MLLT3: variants seen among roughly 807,000 people sequenced by gnomAD.
The protein encoded by MLLT3 is MLLT3 super elongation complex subunit.
A neutral mutation model predicts 53.2 loss-of-function variants in MLLT3; 4 were observed. That is an observed-to-expected ratio of 0.08 (90% CI 0.04 to 0.17). The LOEUF is 0.17. Ranked by LOEUF, MLLT3 falls within the 10% of genes least tolerant of loss-of-function variation. The pLI, the probability that MLLT3 is intolerant of heterozygous loss-of-function variation, is 1.00. For synonymous variants in MLLT3, 283 were observed against 230.6 expected (o/e 1.23, Z -2.06); for missense variants, 569 against 684.0 (o/e 0.83, Z 1.87).
intron 5 of MLLT3, among the ~76,000 whole-genome samples, chr9:20,375,302 T>C (rs1472291819): frequency 6.6e-6 from 1 of 152,258 alleles, no homozygotes; most frequent in Non-Finnish European, 1.5e-5. Flanking sequence ...CAATGCTATT[T>C]GTACTGCAAC....
chr9:20,524,449 T>C (rs555488987), intron 2 of MLLT3, among the ~76,000 whole-genome samples: 1 of 152,130 alleles, frequency 6.6e-6, no homozygotes, highest in East Asian at 1.9e-4. Flanking sequence ...AGATGAAATG[T>C]ACTGTAATCA....
At chr9:20,369,161 C>T (rs1587164088) in intron 5 of MLLT3, among the ~76,000 whole-genome samples, 1 of 152,170 alleles carries the variant, frequency 6.6e-6, no homozygotes. Flanking sequence ...ATGAGAACCA[C>T]TGATCGAGGA....
intron 2 of MLLT3, among the ~76,000 whole-genome samples, chr9:20,485,610 A>T (rs558305821): frequency 1.1e-4 from 17 of 152,364 alleles, no homozygotes; most frequent in Admixed American, 1.1e-3. Flanking sequence ...TATAATGCAG[A>T]CACTAAGCCA....
chr9:20,540,536 G>A (rs543652284), intron 2 of MLLT3, among the ~76,000 whole-genome samples: 4 of 152,352 alleles, frequency 2.6e-5, no homozygotes, highest in East Asian at 3.9e-4. Context: ...GGCCCAAGCT[G>A]TACCTTGGCC....
At chr9:20,441,227 T>C (rs1418102551) in intron 4 of MLLT3, among the ~76,000 whole-genome samples, 1 of 152,168 alleles carries the variant, frequency 6.6e-6, no homozygotes, top group Non-Finnish European at 1.5e-5. Context: ...GACACGAAAG[T>C]TGTTTTATCA....
chr9:20,491,949 C>A (rs1227455070), intron 2 of MLLT3, among the ~76,000 whole-genome samples: 1 of 151,884 alleles, frequency 6.6e-6, no homozygotes, highest in Non-Finnish European at 1.5e-5. Context: ...GAATTCCAAC[C>A]AGTAATGTGA....
rs555155076 is a variant in MLLT3, at chr9:20,592,130, A to T, written c.193+28524T>A. Among the ~76,000 whole-genome samples, 5 of 152,338 alleles carry T rather than the reference A, an allele frequency of 3.3e-5. No individual in the cohort carries two copies. The East Asian group carries it at 9.6e-4, about 29-fold the overall frequency. On this transcript the variant is annotated intron_variant, in intron 2 of 10. Coordinates refer to ENST00000380338, the MANE Select transcript of MLLT3 (RefSeq NM_004529.4). ...TAAACATTCTACCTATTCCAATCAC[A>T]TATCCCAAAAAATTAAAATGGAAGA... is the stretch of plus-strand genomic sequence containing the variant.
chr9:20,549,355 C>T (rs949772283), intron 2 of MLLT3, among the ~76,000 whole-genome samples: 5 of 152,144 alleles, frequency 3.3e-5, no homozygotes, highest in African/African-American at 1.2e-4. Context: ...TGGTAACAAT[C>T]TCTGTTACCA....
intron 4 of MLLT3, among the ~76,000 whole-genome samples, chr9:20,445,369 G>C (rs1174964224): frequency 6.6e-6 from 1 of 151,976 alleles, no homozygotes; most frequent in Non-Finnish European, 1.5e-5. Flanking sequence ...ACCAAGTTTT[G>C]AGACTATTTA....
At chr9:20,373,340 T>C (rs555084938) in intron 5 of MLLT3, among the ~76,000 whole-genome samples, 2 of 152,320 alleles carry the variant, frequency 1.3e-5, no homozygotes, top group African/African-American at 4.8e-5. Context: ...TAAATGGCTA[T>C]GCAAAATCAT....
intron 4 of MLLT3, among the ~76,000 whole-genome samples, chr9:20,417,742 GT>G (rs1381699876): frequency 6.6e-6 from 1 of 152,072 alleles, no homozygotes; most frequent in Non-Finnish European, 1.5e-5. Flanking sequence ...ATGCTTCCTT[GT>G]TTTAATTTTT....
chr9:20,401,658 C>T (rs1057265978), intron 5 of MLLT3, among the ~76,000 whole-genome samples: 1 of 152,150 alleles, frequency 6.6e-6, no homozygotes, highest in Non-Finnish European at 1.5e-5. Flanking sequence ...ATGGTACCTA[C>T]CAGTGAGTCA....
At chr9:20,365,622 G>C (rs553939205) in intron 6 of MLLT3, 47 bp downstream of exon 6, 5 of 1,605,450 alleles carry the variant, frequency 3.1e-6, no homozygotes, top group Non-Finnish European at 4.3e-6. Flanking sequence ...TGCCATTAAG[G>C]TGTTTTATGA....
At chr9:20,545,456 G>A (rs141872584) in intron 2 of MLLT3, among the ~76,000 whole-genome samples, 1 of 152,152 alleles carries the variant, frequency 6.6e-6, no homozygotes, top group African/African-American at 2.4e-5. Flanking sequence ...AATCACACAG[G>A]GTGGGTGGAA....
chr9:20,426,058 T>G (rs945594955), intron 4 of MLLT3, among the ~76,000 whole-genome samples: 1 of 152,078 alleles, frequency 6.6e-6, no homozygotes, highest in African/African-American at 2.4e-5. Context: ...GTACGTGCTA[T>G]AAAATCCTTT....
chr9:20,372,711 A>G (rs1452616104), intron 5 of MLLT3, among the ~76,000 whole-genome samples: 1 of 151,724 alleles, frequency 6.6e-6, no homozygotes, highest in Non-Finnish European at 1.5e-5. Flanking sequence ...CCTGGCCTGC[A>G]TTGTCTTATT....
At chr9:20,522,319 A>G (rs899752008) in intron 2 of MLLT3, among the ~76,000 whole-genome samples, 3 of 151,950 alleles carry the variant, frequency 2.0e-5, no homozygotes, top group African/African-American at 7.2e-5. Flanking sequence ...AAATTAAAAT[A>G]GTTCTGTGCT....
At chr9:20,394,857 T>C (rs1225898808) in intron 5 of MLLT3, among the ~76,000 whole-genome samples, 1 of 152,136 alleles carries the variant, frequency 6.6e-6, no homozygotes, top group Non-Finnish European at 1.5e-5. Context: ...TTATTTCAAC[T>C]TTTTAAAATG....
At chr9:20,386,994 A>T (rs1314336900) in intron 5 of MLLT3, among the ~76,000 whole-genome samples, 1 of 152,236 alleles carries the variant, frequency 6.6e-6, no homozygotes, top group African/African-American at 2.4e-5. Context: ...TGTGTAAGTT[A>T]TCTAAATGTT....
Sources: gnomAD v4.1 joint callset for allele counts (sites outside exome capture counted in the v4.1 genomes callset) on GRCh38, gnomAD v4.1.1 for gene constraint, MANE v1.5 for transcripts, NCBI Gene and HGNC (gene_info 2026-07-23, HGNC 2026-07-21) for gene names.